Variants in SNTG1 observed in about 807,000 individuals in gnomAD.
SNTG1 encodes the protein syntrophin gamma 1.
A neutral mutation model predicts 74.7 loss-of-function variants in SNTG1; 39 were observed. The observed-to-expected ratio is 0.52, with a 90% CI of 0.40 to 0.68. The LOEUF is 0.68. SNTG1 is among the 30% of genes least tolerant of loss of function. The probability of loss-of-function intolerance (pLI) is 0.00; values close to 1 mark genes in which losing one functional copy is unlikely to be tolerated. For missense variants in SNTG1, 685 were observed against 609.5 expected (o/e 1.12, Z -1.30); for synonymous variants, 254 against 217.1 (o/e 1.17, Z -1.49).
intron 15 of SNTG1, among the ~76,000 whole-genome samples, chr8:50,703,279 T>A (rs2095432347): frequency 6.6e-6 from 1 of 152,196 alleles, no homozygotes; most frequent in Non-Finnish European, 1.5e-5. Flanking sequence ...TCTCTACATT[T>A]TTTTTCTACT....
At chr8:50,338,108 T>G (rs563722579) in intron 2 of SNTG1, among the ~76,000 whole-genome samples, 1 of 151,770 alleles carries the variant, frequency 6.6e-6, no homozygotes, top group Non-Finnish European at 1.5e-5. Context: ...CACTCCAGAC[T>G]GGGCGACAGA....
At chr8:50,362,728 T>A (rs1271062978) in intron 2 of SNTG1, among the ~76,000 whole-genome samples, 1 of 152,174 alleles carries the variant, frequency 6.6e-6, no homozygotes, top group South Asian at 2.1e-4. Context: ...GTCTTATGTA[T>A]AGCAGGTGAT....
intron 4 of SNTG1, among the ~76,000 whole-genome samples, chr8:50,418,220 C>T (rs1294409314): frequency 1.3e-5 from 2 of 152,102 alleles, no homozygotes; most frequent in Non-Finnish European, 2.9e-5. Flanking sequence ...TGACATTTCT[C>T]TCTTCAACTT....
At chr8:50,031,436 A>G (rs1268345248) in intron 1 of SNTG1, among the ~76,000 whole-genome samples, 1 of 152,038 alleles carries the variant, frequency 6.6e-6, no homozygotes, top group East Asian at 1.9e-4. Flanking sequence ...AGGGGAAAAC[A>G]TTTAGTCTTT....
At chr8:50,009,439 C>T (rs1815557749) in intron 1 of SNTG1, among the ~76,000 whole-genome samples, 2 of 152,042 alleles carry the variant, frequency 1.3e-5, no homozygotes, top group Admixed American at 1.3e-4. Flanking sequence ...TTTCACCTTT[C>T]GTGTAAATGT....
chr8:50,544,270 G>T (rs1213472586), intron 11 of SNTG1, among the ~76,000 whole-genome samples: 4 of 151,904 alleles, frequency 2.6e-5, no homozygotes, highest in African/African-American at 9.7e-5. Context: ...TTCAGAAAAT[G>T]TTAGAACTTT....
intron 2 of SNTG1, among the ~76,000 whole-genome samples, chr8:50,226,024 T>A (rs2085311125): frequency 6.6e-6 from 1 of 152,224 alleles, no homozygotes; most frequent in Non-Finnish European, 1.5e-5. Context: ...TTCTTTATAT[T>A]GACAACAAAA....
chr8:50,578,251 T>G (rs2094587998), intron 12 of SNTG1, among the ~76,000 whole-genome samples: 1 of 152,194 alleles, frequency 6.6e-6, no homozygotes, highest in African/African-American at 2.4e-5. Context: ...AAAGCTTTCA[T>G]GGCAGATATG....
intron 3 of SNTG1, 64 bp from the exon 4 acceptor site, chr8:50,402,146 C>T (rs1327724251): frequency 4.6e-6 from 7 of 1,523,024 alleles, no homozygotes; most frequent in African/African-American, 1.4e-5. Context: ...AAACTGGCCA[C>T]AAAATTACAA....
intron 12 of SNTG1, among the ~76,000 whole-genome samples, chr8:50,570,971 C>T (rs1439588235): frequency 1.3e-5 from 2 of 152,058 alleles, no homozygotes; most frequent in South Asian, 2.1e-4. Flanking sequence ...TTTACACTCC[C>T]ACCACCAGCG....
intron 1 of SNTG1, among the ~76,000 whole-genome samples, chr8:49,918,089 A>AT (rs1806203777): frequency 6.6e-6 from 1 of 152,102 alleles, no homozygotes; most frequent in South Asian, 2.1e-4. Context: ...ATTCAGTCAG[A>AT]TTTTTTCCAG....
chr8:50,491,352 G>A (rs1041374023), intron 8 of SNTG1: 6 of 152,314 alleles, frequency 3.9e-5, no homozygotes, highest in African/African-American at 1.4e-4. Flanking sequence ...TTATTGGAAA[G>A]CTTCATGTAC....
intron 13 of SNTG1, among the ~76,000 whole-genome samples, chr8:50,617,378 TCACACACACACACACACACA>T: frequency 6.8e-6 from 1 of 147,048 alleles, no homozygotes; most frequent in African/African-American, 2.5e-5. Flanking sequence ...AGTAAGCATT[TCACACACACACACACACACA>T]CACACACACA....
At chr8:50,214,792 G>A (rs1468804435) in intron 2 of SNTG1, among the ~76,000 whole-genome samples, 3 of 152,128 alleles carry the variant, frequency 2.0e-5, no homozygotes, top group South Asian at 4.1e-4. Flanking sequence ...AAGGGACCTG[G>A]CAAATAGAGA....
chr8:50,392,207 A>G (rs1157998004), intron 2 of SNTG1, among the ~76,000 whole-genome samples: 2 of 152,226 alleles, frequency 1.3e-5, no homozygotes, highest in Non-Finnish European at 2.9e-5. Flanking sequence ...GAAGTGGAGA[A>G]CTGTCAGAAG....
At chr8:49,965,849 CT>C (rs1811087540) in intron 1 of SNTG1, among the ~76,000 whole-genome samples, 1 of 152,096 alleles carries the variant, frequency 6.6e-6, no homozygotes, top group African/African-American at 2.4e-5. Flanking sequence ...CAGTGTTTTT[CT>C]AACTTCCTCC....
At chr8:50,724,596 T>A (rs1343628298) in intron 17 of SNTG1, among the ~76,000 whole-genome samples, 1 of 152,200 alleles carries the variant, frequency 6.6e-6, no homozygotes, top group Non-Finnish European at 1.5e-5. Flanking sequence ...AATTATCTAA[T>A]CATTAATAAG....
chr8:50,303,541 T>C (rs2089744632), intron 2 of SNTG1, among the ~76,000 whole-genome samples: 1 of 152,056 alleles, frequency 6.6e-6, no homozygotes, highest in South Asian at 2.1e-4. Context: ...ACCTAACCTA[T>C]ATAATATGTA....
chr8:50,687,551 T>C (rs1347794216), intron 15 of SNTG1, among the ~76,000 whole-genome samples: 1 of 152,204 alleles, frequency 6.6e-6, no homozygotes, highest in Non-Finnish European at 1.5e-5. Flanking sequence ...AGCAACATTA[T>C]GTAGTGATAA....
Sources: gnomAD v4.1 joint callset for allele counts (sites outside exome capture counted in the v4.1 genomes callset) on GRCh38, gnomAD v4.1.1 for gene constraint, MANE v1.5 for transcripts, NCBI Gene and HGNC (gene_info 2026-07-23, HGNC 2026-07-21) for gene names.